Variants in PRPF3 observed in about 807,000 individuals in gnomAD.
PRPF3 encodes the protein pre-mRNA processing factor 3.
In PRPF3, 3 loss-of-function variants were observed where a neutral mutation model predicts 89.2. That is an observed-to-expected ratio of 0.03 (90% CI 0.02 to 0.09). The LOEUF is 0.09. Among genes scored for constraint, PRPF3 ranks in the 10% least tolerant of loss-of-function variants. PRPF3 has a pLI of 1.00. For missense variants in PRPF3, 463 were observed against 828.8 expected (o/e 0.56, Z 5.42); for synonymous variants, 270 against 289.1 (o/e 0.93, Z 0.67).
intron 14 of PRPF3, chr1:150,348,841 T>C (rs1222611482): frequency 1.9e-5 from 7 of 359,984 alleles, no homozygotes; most frequent in Non-Finnish European, 3.7e-5. Context: ...TGTTGACATA[T>C]GAAGCCTGCC....
intron 2 of PRPF3, 137 bp downstream of exon 2, chr1:150,325,224 GA>G (rs1372822007): frequency 2.1e-5 from 19 of 925,446 alleles, no homozygotes; most frequent in Non-Finnish European, 2.8e-5. Flanking sequence ...GTATTATAGT[GA>G]AAATAGGCTA....
At position 150,333,208 on chromosome 1, in the gene PRPF3, CTA is replaced by C; in HGVS notation, c.728+11_728+12del. Reference sequence around the variant, plus strand: ...ATGGGCATTGCTCCCCCGTGAGTGTCTATTTCATGGAATACCTTTTCATTTCT... The same window carrying C: ...ATGGGCATTGCTCCCCCGTGAGTGTCTTTCATGGAATACCTTTTCATTTCT... On this transcript the variant is annotated intron_variant, in intron 6 of 15. Transcript: ENST00000324862. 1 of 1,612,726 alleles carries C rather than the reference CTA, an allele frequency of 6.2e-7. No homozygotes were observed. Among genetic ancestry groups the C allele is most frequent in the Non-Finnish European group, 8.5e-7 (1 of 1,178,836 alleles).
In PRPF3 at chr1:150,337,200, G is replaced by A. The variant is rs994112584; in HGVS notation, c.1036-960G>A. Among the ~76,000 whole-genome samples the A allele has an allele frequency of 8.6e-5, 13 of 151,784 alleles. No individual in the cohort carries two copies. In the South Asian group the frequency reaches 1.3e-3, roughly 15 times the overall value. ...ACTATAGGCGCCCGCCACCACGCCC[G>A]GCTAATTTTTTTGTATTTTTAGTAG... On this transcript the variant is annotated intron_variant, in intron 7 of 15. Coordinates refer to ENST00000324862, the MANE Select transcript of PRPF3 (RefSeq NM_004698.4).
chr1:150,343,261 A>G (rs782131462), intron 9 of PRPF3, 48 bp from the exon 10 acceptor site: 8 of 1,317,190 alleles, frequency 6.1e-6, no homozygotes, highest in Non-Finnish European at 8.3e-6. Context: ...ATATATATAT[A>G]TATATGTATT....
At position 150,328,386 on chromosome 1, in the gene PRPF3, C is replaced by T. The variant is rs201882091; in HGVS notation, c.343C>T (p.Arg115Cys). 5.0e-6 allele frequency: 8 copies of T among 1,613,798 alleles called. No individual in the cohort carries two copies. The highest frequency in any genetic ancestry group is 3.3e-5 in the South Asian group (3 of 91,074). ...AGGAGTAAAGAAGCGACGAATACCC[C>T]GTTTTGAGGAGGTGGAAGAAGAGCC... ...SSGVKKRRIP[R>C]FEEVEEEPEV... The change falls in exon 4 of 16, where the codon CGT becomes TGT. Residue 115 changes from arginine (R) to cysteine (C), a missense_variant. By Grantham distance (180) the Arg-to-Cys change is radical. Coordinates refer to ENST00000324862, the MANE Select transcript of PRPF3 (RefSeq NM_004698.4).
intron 1 of PRPF3, among the ~76,000 whole-genome samples, chr1:150,322,695 A>C (rs1655190267): frequency 6.6e-6 from 1 of 152,090 alleles, no homozygotes; most frequent in African/African-American, 2.4e-5. Context: ...AGTCTTATAG[A>C]CTCTAGTATA....
In PRPF3 at chr1:150,324,990, G is replaced by A. The variant is rs782581512; in HGVS notation, c.48G>A (p.Glu16=). 26 of 1,612,456 alleles carry A rather than the reference G, an allele frequency of 1.6e-5. No homozygotes were observed. Among genetic ancestry groups the A allele is most frequent in the Non-Finnish European group, 1.9e-5 (22 of 1,179,548 alleles). Residue 16 remains glutamate, a synonymous_variant, in exon 2 of 16, where the codon GAG becomes GAA. Coordinates refer to ENST00000324862, the MANE Select transcript of PRPF3 (RefSeq NM_004698.4). ...RELDELKPWI[E]KTVKRVLGFS... The stretch of plus-strand genomic sequence containing the variant: ...TGGATGAGCTGAAACCATGGATAGA[G>A]AAGACAGTGAAGAGGGTCCTGGGTT...
At chr1:150,346,179 T>G (rs1017258953) in intron 13 of PRPF3, 43 bp downstream of exon 13, 3 of 1,537,028 alleles carry the variant, frequency 2.0e-6, no homozygotes, top group Non-Finnish European at 2.7e-6. Context: ...CAGACAACCC[T>G]AGGCTTAGAG....
intron 7 of PRPF3, among the ~76,000 whole-genome samples, chr1:150,337,758 C>T (rs1553868447): frequency 2.1e-5 from 2 of 95,194 alleles, no homozygotes; most frequent in African/African-American, 7.5e-5. Context: ...AGTGAGACTC[C>T]GTCTACAAAA....
At chr1:150,323,889 GTCT>G (rs1655396609) in intron 1 of PRPF3, among the ~76,000 whole-genome samples, 1 of 146,844 alleles carries the variant, frequency 6.8e-6, no homozygotes, top group African/African-American at 2.5e-5. Flanking sequence ...TGATTCTCTT[GTCT>G]CAGCCTCCCG....
chr1:150,339,796 T>C (rs1553869772), intron 8 of PRPF3, among the ~76,000 whole-genome samples: 1 of 140,826 alleles, frequency 7.1e-6, no homozygotes, highest in Non-Finnish European at 1.5e-5. Flanking sequence ...CAATCTCGGC[T>C]CGCTGCAACC....
intron 14 of PRPF3, 70 bp from the exon 15 acceptor site, chr1:150,349,087 G>A (rs782668418): frequency 1.6e-6 from 2 of 1,233,744 alleles, no homozygotes; most frequent in Admixed American, 1.7e-5. Flanking sequence ...GAGAGTTTGG[G>A]TAGACTTGAA....
In PRPF3 at chr1:150,338,224, C is replaced by T; in HGVS notation, c.1100C>T (p.Ser367Leu). The change falls in exon 8 of 16, where the codon TCG becomes TTG. Residue 367 changes from serine to leucine, a missense_variant. Around this residue, in one of 8 missense-constraint regions of PRPF3, gnomAD observed 261 missense variants for 475.8 expected, o/e 0.55. Coordinates refer to ENST00000324862, the MANE Select transcript of PRPF3 (RefSeq NM_004698.4). ...GCTCGAAAAACAGGCATCCATACTT[C>T]GACTAGGCTTGCCCTCATTGCTCCT... ...QAARKTGIHT[S>L]TRLALIAPKK... 6.2e-7 allele frequency: 1 copy of T among 1,614,118 alleles called. No homozygotes were observed. Among genetic ancestry groups the T allele is most frequent in the Non-Finnish European group, 8.5e-7 (1 of 1,180,014 alleles).
chr1:150,332,920 T>G (rs1047969003), intron 5 of PRPF3, 59 bp from the exon 6 acceptor site: 63 of 1,528,800 alleles, frequency 4.1e-5, no homozygotes, highest in Non-Finnish European at 5.5e-5. Flanking sequence ...TCTGTGTGTA[T>G]GTATGTGTGT....
At chr1:150,327,465 GAT>G (rs1260977850) in intron 3 of PRPF3, 3 of 473,926 alleles carry the variant, frequency 6.3e-6, no homozygotes, top group Admixed American at 6.4e-5. Context: ...GAGGTGTCTA[GAT>G]AGCCTTGGGA....
Position 150,346,242 on chromosome 1 carries a change from C to G in PRPF3, c.1759+106C>G. ...AAAAGATCGTATTTTAGTGCCATAC[C>G]TGATATAATATGCTAGGTCTCTGCT... On this transcript the variant is annotated intron_variant, in intron 13 of 15. Coordinates refer to ENST00000324862, the MANE Select transcript of PRPF3 (RefSeq NM_004698.4). The G allele has an allele frequency of 3.2e-6, 4 of 1,241,450 alleles. No homozygotes were observed. The South Asian group carries it at 4.8e-5, about 15-fold the overall frequency. 76.9% of individuals were successfully genotyped at this position (1,241,450 alleles called of 1,614,324 possible). A position where few individuals can be genotyped will look rare whatever the true frequency, so the allele number is the denominator to read the frequency against.
chr1:150,342,163 C>T (rs1170069055), intron 9 of PRPF3, among the ~76,000 whole-genome samples: 1 of 151,672 alleles, frequency 6.6e-6, no homozygotes, highest in Non-Finnish European at 1.5e-5. Flanking sequence ...GGGCAGATCA[C>T]GAGGTCAAGA....
intron 1 of PRPF3, among the ~76,000 whole-genome samples, chr1:150,324,569 TAGAGAGAG>T (rs1655487331): frequency 6.8e-6 from 1 of 148,008 alleles, no homozygotes. Context: ...TTTTTTTTTG[TAGAGAGAG>T]TCTTGCTTTG....
At chr1:150,341,955 A>G (rs1282511536) in intron 9 of PRPF3, among the ~76,000 whole-genome samples, 1 of 139,822 alleles carries the variant, frequency 7.2e-6, no homozygotes, top group African/African-American at 2.7e-5. Flanking sequence ...CTGCCCACCT[A>G]GGCTTCCCAA....
Sources: gnomAD v4.1 joint callset for allele counts (sites outside exome capture counted in the v4.1 genomes callset) on GRCh38, gnomAD v4.1.1 for gene constraint, gnomAD v4.1.1 regional missense constraint, MANE v1.5 for transcripts, NCBI Gene and HGNC (gene_info 2026-07-23, HGNC 2026-07-21) for gene names.